Variants in NTM observed in about 807,000 individuals in gnomAD.
NTM encodes the protein IgLON family member 2.
In NTM, 13 loss-of-function variants were observed where a neutral mutation model predicts 42.1. That is an observed-to-expected ratio of 0.31 (90% confidence interval 0.20 to 0.49). The LOEUF is 0.49. Among genes scored for constraint, NTM ranks in the 20% least tolerant of loss-of-function variants. The pLI is 0.99. For missense variants in NTM, 373 were observed against 452.8 expected, an observed-to-expected ratio of 0.82 and a Z score of 1.60; for synonymous variants, 187 against 179.2, an observed-to-expected ratio of 1.04 and a Z score of -0.35.
At chr11:132,310,083 G>A (rs368065157) in intron 5 of NTM, 29 bp from the exon 6 acceptor site, 398 of 1,552,660 alleles carry the variant, frequency 2.6e-4, no homozygotes, top group Non-Finnish European at 3.2e-4. Context: ...AAGGTGGGGG[G>A]GCGGCTATGA....
At chr11:131,911,203 T>TCGGC in intron 1 of NTM, 1 of 1,375,784 alleles carries the variant, frequency 7.3e-7, no homozygotes, top group South Asian at 1.6e-5. Context: ...TTCCCCCTCC[T>TCGGC]CGGCCACCTT....
intron 1 of NTM, among the ~76,000 whole-genome samples, chr11:131,800,162 A>C (rs560664364): frequency 1.3e-5 from 2 of 152,240 alleles, no homozygotes; most frequent in South Asian, 4.1e-4. Flanking sequence ...CTTACAAAGC[A>C]AACAGATTTT....
intron 1 of NTM, among the ~76,000 whole-genome samples, chr11:131,679,509 G>A (rs1479784103): frequency 6.6e-6 from 1 of 151,980 alleles, no homozygotes; most frequent in Non-Finnish European, 1.5e-5. Flanking sequence ...CCACTTCTGG[G>A]CGTGGACACA....
At chr11:131,970,383 C>G (rs547848426) in intron 2 of NTM, among the ~76,000 whole-genome samples, 1 of 152,322 alleles carries the variant, frequency 6.6e-6, no homozygotes, top group East Asian at 1.9e-4. Context: ...TGGAACTCCA[C>G]ATGGACCTTC....
intron 3 of NTM, among the ~76,000 whole-genome samples, chr11:132,202,933 G>A (rs1642019818): frequency 6.6e-6 from 1 of 152,182 alleles, no homozygotes; most frequent in African/African-American, 2.4e-5. Flanking sequence ...GAAGGAATGA[G>A]ATGTAACAAA....
intron 1 of NTM, among the ~76,000 whole-genome samples, chr11:131,906,370 T>C (rs2053854964): frequency 6.6e-6 from 1 of 152,132 alleles, no homozygotes; most frequent in African/African-American, 2.4e-5. Flanking sequence ...TGACTTCTAG[T>C]CTGGATTGGC....
At chr11:132,305,879 T>G (rs2095059616) in intron 4 of NTM, among the ~76,000 whole-genome samples, 1 of 152,244 alleles carries the variant, frequency 6.6e-6, no homozygotes, top group Non-Finnish European at 1.5e-5. Flanking sequence ...CTGGTCTTTT[T>G]GGCTGTGTTT....
chr11:131,524,379 C>T (rs1313216746), intron 1 of NTM, among the ~76,000 whole-genome samples: 1 of 152,174 alleles, frequency 6.6e-6, no homozygotes, highest in Non-Finnish European at 1.5e-5. Flanking sequence ...ACATGTGATC[C>T]CTTCTGCTGC....
chr11:131,726,910 A>T (rs143868245), intron 1 of NTM, among the ~76,000 whole-genome samples: 2,807 of 150,902 alleles, frequency 0.019, 243 homozygotes, highest in African/African-American at 0.064. Flanking sequence ...GCTGGTCGTC[A>T]ACTTCTGGGC....
chr11:132,048,150 A>G (rs1484941414), intron 2 of NTM, among the ~76,000 whole-genome samples: 1 of 152,110 alleles, frequency 6.6e-6, no homozygotes, highest in Admixed American at 6.5e-5. Context: ...ATCTAGGGGT[A>G]TATAGAAGAA....
intron 1 of NTM, among the ~76,000 whole-genome samples, chr11:131,819,964 G>T (rs1309151573): frequency 6.6e-6 from 1 of 152,164 alleles, no homozygotes; most frequent in Admixed American, 6.5e-5. Context: ...ACTCGCCTTC[G>T]TGGCACAGGG....
chr11:131,465,956 A>G (rs1951839981), intron 1 of NTM, among the ~76,000 whole-genome samples: 1 of 152,252 alleles, frequency 6.6e-6, no homozygotes, highest in Non-Finnish European at 1.5e-5. Context: ...ACAAGGGGGC[A>G]TGGCCCTTTG....
chr11:132,037,480 A>G (rs2076652488), intron 2 of NTM, among the ~76,000 whole-genome samples: 1 of 152,188 alleles, frequency 6.6e-6, no homozygotes, highest in Admixed American at 6.5e-5. Flanking sequence ...AATAGGCCAG[A>G]CAATTGCTGA....
At chr11:131,773,700 T>C (rs544845057) in intron 1 of NTM, among the ~76,000 whole-genome samples, 2 of 152,376 alleles carry the variant, frequency 1.3e-5, no homozygotes, top group East Asian at 3.9e-4. Context: ...CATTCTGGTA[T>C]GGCTAATACG....
chr11:131,850,671 G>GAGC (rs1398362146), intron 1 of NTM, among the ~76,000 whole-genome samples: 1 of 152,208 alleles, frequency 6.6e-6, no homozygotes, highest in Non-Finnish European at 1.5e-5. Flanking sequence ...CTAATGAGGT[G>GAGC]AGCAGCAGCA....
chr11:131,383,585 G>T, intron 1 of NTM, among the ~76,000 whole-genome samples: 1 of 152,190 alleles, frequency 6.6e-6, no homozygotes, highest in African/African-American at 2.4e-5. Flanking sequence ...AATATGGCTA[G>T]ATTGAGTGTG....
intron 4 of NTM, among the ~76,000 whole-genome samples, chr11:132,269,733 T>C (rs2093387138): frequency 6.6e-6 from 1 of 152,234 alleles, no homozygotes; most frequent in Non-Finnish European, 1.5e-5. Context: ...AGCACAGTCA[T>C]TGTTGACTGG....
intron 4 of NTM, among the ~76,000 whole-genome samples, chr11:132,218,663 C>T (rs1269881628): frequency 1.3e-5 from 2 of 152,154 alleles, no homozygotes; most frequent in African/African-American, 4.8e-5. Flanking sequence ...CTCTGTTATT[C>T]CTTCCCAGAG....
At chr11:131,953,039 A>G (rs968879570) in intron 2 of NTM, among the ~76,000 whole-genome samples, 3 of 152,170 alleles carry the variant, frequency 2.0e-5, no homozygotes, top group African/African-American at 7.2e-5. Context: ...AATTTTGAAA[A>G]TTCAGAAGGT....
Sources: gnomAD v4.1 joint callset for allele counts (sites outside exome capture counted in the v4.1 genomes callset) on GRCh38, gnomAD v4.1.1 for gene constraint, MANE v1.5 for transcripts, NCBI Gene and HGNC (gene_info 2026-07-23, HGNC 2026-07-21) for gene names.